TLK2: variants seen among roughly 807,000 people sequenced by gnomAD.
The protein encoded by TLK2 is tousled like kinase 2.
TLK2 carries 6 observed loss-of-function variants against 117.3 expected under a neutral mutation model. The observed-to-expected ratio is 0.05, with a 90% CI of 0.03 to 0.10. The LOEUF is 0.10. Among genes scored for constraint, TLK2 ranks in the 10% least tolerant of loss-of-function variants. The pLI is 1.00. For synonymous variants in TLK2, 257 were observed against 316.7 expected, an observed-to-expected ratio of 0.81 and a Z score of 2.00; for missense variants, 299 against 901.2, an observed-to-expected ratio of 0.33 and a Z score of 8.56.
intron 19 of TLK2, among the ~76,000 whole-genome samples, chr17:62,604,398 CTA>C (rs1229550100): frequency 9.8e-5 from 9 of 91,662 alleles, no homozygotes; most frequent in Middle Eastern, 5.0e-3. Context: ...GAATATGCAA[CTA>C]TATACATATA....
At chr17:62,555,075 A>G (rs2078754042) in intron 9 of TLK2, among the ~76,000 whole-genome samples, 1 of 152,086 alleles carries the variant, frequency 6.6e-6, no homozygotes. Flanking sequence ...ATTTATGAAT[A>G]ACATTGGCTA....
chr17:62,602,574 C>G (rs73333635), intron 19 of TLK2, among the ~76,000 whole-genome samples: 6,251 of 152,156 alleles, frequency 0.041, 131 homozygotes, highest in Middle Eastern at 0.11. Flanking sequence ...GGATTTGTCT[C>G]AAGAGTTGCC....
rs181059537 is a variant in TLK2, at chr17:62,487,487, C to T, written c.81+6281C>T. ...TGAGCTGAGATCGCGCCATTGCGCT[C>T]CAGCATGGCCAACAGAGTGCGCCTC... On this transcript the variant is annotated intron_variant, in intron 2 of 21. Transcript: ENST00000346027. 8.0e-3 allele frequency among the ~76,000 whole-genome samples: 1,170 copies of T among 146,498 alleles called. 76 individuals are homozygous for T. In the East Asian group the frequency reaches 0.13, roughly 16 times the overall value.
intron 6 of TLK2, among the ~76,000 whole-genome samples, chr17:62,524,915 C>T (rs1287801105): frequency 1.3e-5 from 2 of 152,166 alleles, no homozygotes; most frequent in East Asian, 3.8e-4. Context: ...ACACTATAGG[C>T]ATCTACTGGG....
At chr17:62,539,563 T>TC (rs1009294289) in intron 7 of TLK2, among the ~76,000 whole-genome samples, 8 of 141,592 alleles carry the variant, frequency 5.7e-5, no homozygotes, top group African/African-American at 1.5e-4. Context: ...CACTCCAACC[T>TC]CCATCTCCTG....
At chr17:62,560,222 A>G in intron 10 of TLK2, 96 bp downstream of exon 10, 2 of 891,170 alleles carry the variant, frequency 2.2e-6, no homozygotes, top group East Asian at 3.1e-5. Flanking sequence ...GAAAATATTT[A>G]AAAGTAGAGC....
intron 18 of TLK2, among the ~76,000 whole-genome samples, chr17:62,601,304 T>C (rs1005291865): frequency 6.6e-6 from 1 of 152,094 alleles, no homozygotes; most frequent in African/African-American, 2.4e-5. Flanking sequence ...GCAGCTAGAG[T>C]CCTTACCTCT....
At chr17:62,556,506 C>T (rs896710845) in intron 9 of TLK2, among the ~76,000 whole-genome samples, 2 of 152,204 alleles carry the variant, frequency 1.3e-5, no homozygotes, top group African/African-American at 4.8e-5. Context: ...CGTGGAAAGA[C>T]AACACTGTGT....
At chr17:62,500,104 A>G (rs1044265331) in intron 2 of TLK2, among the ~76,000 whole-genome samples, 8 of 151,760 alleles carry the variant, frequency 5.3e-5, no homozygotes, top group Admixed American at 3.9e-4. Flanking sequence ...GGGTCTCCCT[A>G]TGTTGCCCAA....
chr17:62,591,033 T>C (rs1567983553), intron 16 of TLK2, among the ~76,000 whole-genome samples: 1 of 152,058 alleles, frequency 6.6e-6, no homozygotes, highest in Non-Finnish European at 1.5e-5. Flanking sequence ...CGGTGGATCA[T>C]GAGGTCAGGA....
intron 16 of TLK2, among the ~76,000 whole-genome samples, chr17:62,592,243 G>A (rs1263365262): frequency 6.6e-6 from 1 of 152,142 alleles, no homozygotes; most frequent in Non-Finnish European, 1.5e-5. Flanking sequence ...ATAGGCACGA[G>A]CCACTGCGCC....
Position 62,536,162 on chromosome 17 carries a change from T to G in TLK2, c.364-8T>G. ...ATGTCATTTGTGTGTTTCTTTACTG[T>G]TTTCCAGCGACGAGTAGAACAGCCC... On this transcript the variant is annotated splice_polypyrimidine_tract_variant and splice_region_variant and intron_variant, in intron 6 of 21. Transcript: ENST00000346027. 3 of 1,609,876 alleles carry G rather than the reference T, an allele frequency of 1.9e-6. No individual in the cohort carries two copies. Among genetic ancestry groups the G allele is most frequent in the Non-Finnish European group, 2.5e-6 (3 of 1,178,522 alleles).
Position 62,614,895 on chromosome 17 carries a change from A to T in TLK2, c.*2330A>T, listed in dbSNP as rs538422799. On this transcript the variant is annotated 3_prime_UTR_variant, in exon 22 of 22. Transcript: ENST00000346027. Reference sequence around the variant, plus strand: ...GCTGAGACCGTGTTCAAACTCACTGAAAACAATGAAGTTCTATTCCTTTTT... The same window carrying T: ...GCTGAGACCGTGTTCAAACTCACTGTAAACAATGAAGTTCTATTCCTTTTT... The T allele has an allele frequency of 6.6e-6, 1 of 152,340 alleles. No homozygotes were observed. Among genetic ancestry groups the T allele is most frequent in the African/African-American group, 2.4e-5 (1 of 41,574 alleles). The allele number at this position is 152,340 out of a possible 1,614,324, so 9.4% of individuals were successfully genotyped here. A position where few individuals can be genotyped will look rare whatever the true frequency, so the allele number is the denominator to read the frequency against.
chr17:62,608,743 AG>A (rs2083501077), intron 21 of TLK2, among the ~76,000 whole-genome samples: 1 of 152,224 alleles, frequency 6.6e-6, no homozygotes, highest in South Asian at 2.1e-4. Flanking sequence ...CTACAATTCA[AG>A]ATGAGATTTG....
chr17:62,547,995 A>G (rs1473400727), intron 7 of TLK2, among the ~76,000 whole-genome samples: 1 of 152,118 alleles, frequency 6.6e-6, no homozygotes, highest in Non-Finnish European at 1.5e-5. Context: ...TTATATTCAG[A>G]ACTTGCATTA....
At chr17:62,530,352 A>G (rs1245948316) in intron 6 of TLK2, among the ~76,000 whole-genome samples, 2 of 152,090 alleles carry the variant, frequency 1.3e-5, no homozygotes, top group African/African-American at 4.8e-5. Context: ...TTGTAGTCCC[A>G]GCTACTCAGG....
chr17:62,488,981 A>G (rs1598154399), intron 2 of TLK2, among the ~76,000 whole-genome samples: 1 of 151,906 alleles, frequency 6.6e-6, no homozygotes, highest in Non-Finnish European at 1.5e-5. Flanking sequence ...ACACACCACC[A>G]CACTTGAATA....
rs564113728 is a variant in TLK2 at position 62,518,908 on chromosome 17, G to A, written c.82-1865G>A. ...CTGTTTTGTTTTGAGACAAGGTCTT[G>A]GCTCTGTCACCCAGGCTGGAGTGCA... On this transcript the variant is annotated intron_variant, in intron 2 of 21. Coordinates refer to ENST00000346027, the MANE Select transcript of TLK2 (RefSeq NM_006852.6). Among the ~76,000 whole-genome samples, 4 of 152,144 alleles carry A rather than the reference G, an allele frequency of 2.6e-5. No homozygotes were observed. The South Asian group carries it at 8.3e-4, about 32-fold the overall frequency.
chr17:62,481,554 A>G (rs2071652832), intron 2 of TLK2, among the ~76,000 whole-genome samples: 1 of 152,360 alleles, frequency 6.6e-6, no homozygotes, highest in African/African-American at 2.4e-5. Flanking sequence ...GGCATTGCAT[A>G]GCTTTGTTAC....
Sources: gnomAD v4.1 joint callset for allele counts (sites outside exome capture counted in the v4.1 genomes callset) on GRCh38, gnomAD v4.1.1 for gene constraint, MANE v1.5 for transcripts, NCBI Gene and HGNC (gene_info 2026-07-23, HGNC 2026-07-21) for gene names.